The following RASGEF1B variants were observed in gnomAD, a reference collection of about 807,000 sequenced individuals.
RASGEF1B encodes RasGEF domain family member 1B.
Under a neutral mutation model 65.7 loss-of-function variants are expected in RASGEF1B, and 30 were observed. That is an observed-to-expected ratio of 0.46 (90% CI 0.34 to 0.62). The LOEUF (loss-of-function observed/expected upper bound fraction) is 0.62. RASGEF1B is among the 20% of genes least tolerant of loss of function. The pLI, the probability that RASGEF1B is intolerant of heterozygous loss-of-function variation, is 0.01. For missense variants in RASGEF1B, 495 were observed against 580.1 expected, an observed-to-expected ratio of 0.85 and a Z score of 1.51; for synonymous variants, 175 against 194.8, an observed-to-expected ratio of 0.90 and a Z score of 0.85.
intron 8 of RASGEF1B, among the ~76,000 whole-genome samples, chr4:81,444,263 GC>G (rs1453627615): frequency 6.6e-6 from 1 of 152,096 alleles, no homozygotes; most frequent in African/African-American, 2.4e-5. Context: ...AGTAGAAGAG[GC>G]AAATTAAGTA....
intron 13 of RASGEF1B, among the ~76,000 whole-genome samples, chr4:81,430,101 A>G (rs1312104509): frequency 6.6e-6 from 1 of 152,174 alleles, no homozygotes; most frequent in Non-Finnish European, 1.5e-5. Flanking sequence ...GGAGATCGAG[A>G]CTATCCTGGC....
At chr4:81,466,621 T>G (rs1268074719) in intron 1 of RASGEF1B, among the ~76,000 whole-genome samples, 1 of 150,896 alleles carries the variant, frequency 6.6e-6, no homozygotes, top group Admixed American at 6.6e-5. Context: ...TAGCTGGGCG[T>G]GGTGGCGGGT....
intron 8 of RASGEF1B, among the ~76,000 whole-genome samples, chr4:81,442,628 G>C (rs1283600812): frequency 6.6e-6 from 1 of 151,992 alleles, no homozygotes; most frequent in Non-Finnish European, 1.5e-5. Flanking sequence ...AGCATTTTAG[G>C]CTTTCAGCCC....
In RASGEF1B at chr4:81,427,595, A is replaced by G. The variant is rs887816536; in HGVS notation, c.*173T>C. On this transcript the variant is annotated 3_prime_UTR_variant, in exon 14 of 14. Transcript: ENST00000264400. ...TCTGAGTCTATCTGTCAGCTGCAGGAAATAAGTTCTCCATCTGGTCTTGAG... is the reference window on the plus strand; with the variant it reads ...TCTGAGTCTATCTGTCAGCTGCAGGGAATAAGTTCTCCATCTGGTCTTGAG... 8.9e-6 allele frequency: 5 copies of G among 563,146 alleles called. No individual in the cohort carries two copies. Among genetic ancestry groups the G allele is most frequent in the Non-Finnish European group, 1.5e-5 (5 of 325,528 alleles). The allele number at this position is 563,146 out of a possible 1,614,324, so 34.9% of individuals were successfully genotyped here.
In RASGEF1B at chr4:81,457,558, C is replaced by A. The variant is rs748001590; in HGVS notation, c.241G>T (p.Ala81Ser). The A allele has an allele frequency of 3.9e-5, 63 of 1,613,890 alleles. No homozygotes were observed. The highest frequency in any genetic ancestry group is 5.2e-5 in the Non-Finnish European group (61 of 1,179,970). Reference sequence around the variant, plus strand: ...TCAACACATAAGTGGCAAACTTTGGCCATTAGCTCATACGGATGCATAAAT... The same window carrying A: ...TCAACACATAAGTGGCAAACTTTGGACATTAGCTCATACGGATGCATAAAT... ...RLFMHPYELM[A>S]KVCHLCVEHQ... The change falls in exon 3 of 14, where the codon GCC (alanine) becomes TCC (serine). Residue 81 changes from alanine to serine, a missense_variant. Transcript: ENST00000264400.
chr4:81,445,505 T>C, intron 8 of RASGEF1B, 21 bp downstream of exon 8: 4 of 1,489,126 alleles, frequency 2.7e-6, no homozygotes, highest in Non-Finnish European at 2.8e-6. Flanking sequence ...AAACGACATG[T>C]ATCCTCCACA....
chr4:81,430,143 T>TA (rs771306485), intron 13 of RASGEF1B, among the ~76,000 whole-genome samples: 82 of 152,062 alleles, frequency 5.4e-4, no homozygotes, highest in Admixed American at 1.4e-3. Context: ...GTACTAAAGA[T>TA]ACAAAAAATT....
rs1396729860 is a variant in RASGEF1B at position 81,466,769 on chromosome 4, AAAAAGAAAGAAAGAAAGAAAG to A, written c.-7+4980_-7+5000del. ...GCAAGCCTCCATGTCAAAAAAAAAA[AAAAAGAAAGAAAGAAAGAAAG>A]AAAGAAAGAAAGAAAGAAAGAAAGA... On this transcript the variant is annotated intron_variant, in intron 1 of 13. Transcript: ENST00000264400. Among the ~76,000 whole-genome samples the A allele has an allele frequency of 8.3e-5, 11 of 132,902 alleles. No individual in the cohort carries two copies. The East Asian group carries it at 9.0e-4, about 11-fold the overall frequency. 87.2% of individuals were successfully genotyped at this position (132,902 alleles called of 152,430 possible). A position where few individuals can be genotyped will look rare whatever the true frequency, so the allele number is the denominator to read the frequency against.
intron 10 of RASGEF1B, among the ~76,000 whole-genome samples, chr4:81,439,989 A>G (rs1721779620): frequency 6.6e-6 from 1 of 152,198 alleles, no homozygotes; most frequent in Admixed American, 6.6e-5. Flanking sequence ...ATTGAGGCCG[A>G]ACCTTTTTCA....
At chr4:81,448,651 T>C (rs1560703148) in intron 4 of RASGEF1B, among the ~76,000 whole-genome samples, 1 of 152,198 alleles carries the variant, frequency 6.6e-6, no homozygotes, top group Non-Finnish European at 1.5e-5. Flanking sequence ...TTCTGGTGGG[T>C]TGAAATACAT....
rs1252750002 is a variant in RASGEF1B at position 81,457,507 on chromosome 4, T to C, written c.292A>G (p.Ser98Gly). 1.2e-6 allele frequency: 2 copies of C among 1,614,056 alleles called. No individual in the cohort carries two copies. Among genetic ancestry groups the C allele is most frequent in the South Asian group, 2.2e-5 (2 of 91,066 alleles). ...VEHQRLSDPD[S>G]DKNQMRKIAP... ...TTGTAATGTACCATTACCTTATCAC[T>C]ATCAGGATCACTTAGTCTCTGGTGC... Residue 98 changes from serine to glycine, a missense_variant, in exon 3 of 14, where the codon AGT (serine) becomes GGT (glycine). Physicochemically the swap from Ser to Gly is moderately conservative, Grantham distance 56 (BLOSUM62 0). Coordinates refer to ENST00000264400, the MANE Select transcript of RASGEF1B (RefSeq NM_152545.3).
chr4:81,453,094 T>G (rs1480961122), intron 4 of RASGEF1B: 1 of 152,152 alleles, frequency 6.6e-6, no homozygotes, highest in Non-Finnish European at 1.5e-5. Context: ...TTTTTCCCTA[T>G]TCCAGTAATT....
At chr4:81,465,255 T>C (rs1050415939) in intron 1 of RASGEF1B, among the ~76,000 whole-genome samples, 1 of 152,158 alleles carries the variant, frequency 6.6e-6, no homozygotes, top group African/African-American at 2.4e-5. Flanking sequence ...CACTTTAGGA[T>C]ATTAGAAGAT....
intron 4 of RASGEF1B, chr4:81,452,765 C>T (rs1279244706): frequency 6.6e-6 from 1 of 152,068 alleles, no homozygotes; most frequent in Non-Finnish European, 1.5e-5. Flanking sequence ...TTATAAAGAC[C>T]AGCCCCTTAA....
chr4:81,448,879 A>C (rs1003139030), intron 4 of RASGEF1B, among the ~76,000 whole-genome samples: 1 of 152,006 alleles, frequency 6.6e-6, no homozygotes, highest in African/African-American at 2.4e-5. Flanking sequence ...CAGTGACGTG[A>C]TCTTGTCTCA....
chr4:81,441,834 C>T (rs371465845), intron 9 of RASGEF1B, among the ~76,000 whole-genome samples: 2 of 152,248 alleles, frequency 1.3e-5, no homozygotes, highest in Admixed American at 6.5e-5. Flanking sequence ...TGAGCCACTG[C>T]GCCTGGCCCA....
chr4:81,466,339 C>T (rs919789882), intron 1 of RASGEF1B, among the ~76,000 whole-genome samples: 1 of 152,168 alleles, frequency 6.6e-6, no homozygotes, highest in Non-Finnish European at 1.5e-5. Flanking sequence ...TGTCTCCTTT[C>T]GCCCTGCTAG....
At position 81,427,431 on chromosome 4, in the gene RASGEF1B, A is replaced by G; in HGVS notation, c.*337T>C. On this transcript the variant is annotated 3_prime_UTR_variant, in exon 14 of 14. Transcript: ENST00000264400. ...TGTTCAACCAAATTAAAAAAAACAC[A>G]CACACACAAAAGAAAACTCCATCCA... 1 of 285,536 alleles carries G rather than the reference A, an allele frequency of 3.5e-6. No individual in the cohort carries two copies. Among genetic ancestry groups the G allele is most frequent in the Non-Finnish European group, 6.4e-6 (1 of 155,354 alleles). 17.7% of individuals were successfully genotyped at this position (285,536 alleles called of 1,614,324 possible).
At chr4:81,427,827 T>C in intron 13 of RASGEF1B, 35 bp from the exon 14 acceptor site, 1 of 1,601,242 alleles carries the variant, frequency 6.2e-7, no homozygotes, top group South Asian at 1.1e-5. Context: ...TAAGACAGAA[T>C]GTAACAGACT....
Sources: gnomAD v4.1 joint callset for allele counts (sites outside exome capture counted in the v4.1 genomes callset) on GRCh38, gnomAD v4.1.1 for gene constraint, MANE v1.5 for transcripts, NCBI Gene and HGNC (gene_info 2026-07-23, HGNC 2026-07-21) for gene names.